Variants in PCDHGA12 observed in about 807,000 individuals in gnomAD.
PCDHGA12 encodes protocadherin gamma subfamily A, 12.
In PCDHGA12, 43 loss-of-function variants were observed where a neutral mutation model predicts 61.1. That is an observed-to-expected ratio of 0.70 (90% CI 0.55 to 0.91). PCDHGA12 has a LOEUF of 0.91. Among genes scored for constraint, PCDHGA12 ranks in the 40% least tolerant of loss-of-function variants. The probability of loss-of-function intolerance (pLI) is 0.00; values close to 1 mark genes in which losing one functional copy is unlikely to be tolerated. For missense variants in PCDHGA12, 1,236 were observed against 1,227.7 expected (o/e 1.01, Z -0.10); for synonymous variants, 520 against 542.9 (o/e 0.96, Z 0.59).
Position 141,490,693 on chromosome 5 carries a change from G to A in PCDHGA12, c.2425-4114G>A. On this transcript the variant is annotated intron_variant, in intron 1 of 3. Coordinates refer to ENST00000252085, the MANE Select transcript of PCDHGA12 (RefSeq NM_003735.3). This position sits in a 1 kb window ranked among gnomAD's most constrained non-coding sequence, Gnocchi z 5.4. ...GGCTGCCTCAGATCCAGACACTGGGGATAATGCCCGCCTCACCTACTCCAT... is the reference window on the plus strand; with the variant it reads ...GGCTGCCTCAGATCCAGACACTGGGAATAATGCCCGCCTCACCTACTCCAT... 1.9e-6 allele frequency: 3 copies of A among 1,614,170 alleles called. No homozygotes were observed. Among genetic ancestry groups the A allele is most frequent in the Non-Finnish European group, 2.5e-6 (3 of 1,180,018 alleles).
chr5:141,501,141 A>G (rs940603527), intron 2 of PCDHGA12, among the ~76,000 whole-genome samples: 8 of 152,184 alleles, frequency 5.3e-5, no homozygotes, highest in Admixed American at 5.2e-4. Context: ...TGCTGGGATT[A>G]CAGGTGGGAG....
Position 141,486,316 on chromosome 5 carries a change from A to G in PCDHGA12, c.2425-8491A>G, listed in dbSNP as rs1251956899. The G allele has an allele frequency of 6.2e-7, 1 of 1,614,066 alleles. No individual in the cohort carries two copies. On this transcript the variant is annotated intron_variant, in intron 1 of 3. Transcript: ENST00000252085. This position sits in a 1 kb window ranked among gnomAD's most constrained non-coding sequence, Gnocchi z 5.0. ...GTGTGCAGGATCCAGACTCAGGGTC[A>G]AACGGAGATGTGAGCCTCCGCATTC...
In PCDHGA12 at chr5:141,476,875, C is replaced by T; in HGVS notation, c.2425-17932C>T. On this transcript the variant is annotated intron_variant, in intron 1 of 3. Coordinates refer to ENST00000252085, the MANE Select transcript of PCDHGA12 (RefSeq NM_003735.3). The surrounding 1 kb of genome is among the most constrained non-coding windows in gnomAD (Gnocchi z 7.6). ...ACCAGTCCTTGTACCGGGCGCGCGT[C>T]CTGGAGGATGCACCCTCCGGCACGC... 2 of 1,613,928 alleles carry T rather than the reference C, an allele frequency of 1.2e-6. No homozygotes were observed. Among genetic ancestry groups the T allele is most frequent in the Non-Finnish European group, 1.7e-6 (2 of 1,180,044 alleles).
intron 1 of PCDHGA12, among the ~76,000 whole-genome samples, chr5:141,448,516 A>T (rs1210489939): frequency 3.9e-5 from 6 of 152,152 alleles, no homozygotes; most frequent in Non-Finnish European, 8.8e-5. Flanking sequence ...TTATAACTTT[A>T]TTAAGCATCC....
chr5:141,461,072 A>C (rs555905734), intron 1 of PCDHGA12, among the ~76,000 whole-genome samples: 1 of 151,688 alleles, frequency 6.6e-6, no homozygotes, highest in African/African-American at 2.4e-5. Context: ...ACATTTTTGC[A>C]ATTGTGAATT....
intron 1 of PCDHGA12, among the ~76,000 whole-genome samples, chr5:141,433,989 T>C (rs898601470): frequency 6.6e-6 from 1 of 152,248 alleles, no homozygotes; most frequent in Non-Finnish European, 1.5e-5. Context: ...AGAAGAGTTT[T>C]ATATTCTCTA....
chr5:141,472,486 G>A (rs1300618918), intron 1 of PCDHGA12, among the ~76,000 whole-genome samples: 1 of 152,050 alleles, frequency 6.6e-6, no homozygotes, highest in Non-Finnish European at 1.5e-5. Flanking sequence ...CTTGCAGTGA[G>A]ACGAGATCGT....
Position 141,477,202 on chromosome 5 carries a change from C to G in PCDHGA12, c.2425-17605C>G. 1 of 1,614,182 alleles carries G rather than the reference C, an allele frequency of 6.2e-7. No homozygotes were observed. The highest frequency in any genetic ancestry group is 1.1e-5 in the South Asian group (1 of 91,074). On this transcript the variant is annotated intron_variant, in intron 1 of 3. Transcript: ENST00000252085. This position sits in a 1 kb window ranked among gnomAD's most constrained non-coding sequence, Gnocchi z 4.9. ...TCACCTCCGTGTACAGCCCAGTACC[C>G]GAGGATGCCCCTCTGGGGACTGTCA...
intron 2 of PCDHGA12, among the ~76,000 whole-genome samples, chr5:141,501,966 C>A (rs1046026111): frequency 1.3e-5 from 2 of 152,118 alleles, no homozygotes; most frequent in African/African-American, 4.8e-5. Context: ...ATCCTCCTAA[C>A]CTCTGGCATC....
rs374655655 is a variant in PCDHGA12, at chr5:141,431,023, C to A, written c.264C>A (p.Gly88=). 1 of 1,613,748 alleles carries A rather than the reference C, an allele frequency of 6.2e-7. No homozygotes were observed. The highest frequency in any genetic ancestry group is 2.2e-5 in the East Asian group (1 of 44,862). Residue 88 remains glycine (G), a synonymous_variant, in exon 1 of 4, where the codon GGC becomes GGA. Coordinates refer to ENST00000252085, the MANE Select transcript of PCDHGA12 (RefSeq NM_003735.3). The surrounding 1 kb of genome is among the most constrained non-coding windows in gnomAD (Gnocchi z 4.8). ...NPRSGSLVTA[G]RIDREELCMG... is the part of the protein sequence containing the mutation. ...GCAGCGGCAGCTTGGTCACGGCGGG[C>A]AGGATAGACCGGGAGGAGCTCTGTA...
chr5:141,511,115 A>G lies in PCDHGA12; in HGVS notation c.2741A>G (p.Lys914Arg). 6.2e-7 allele frequency: 1 copy of G among 1,614,214 alleles called. No individual in the cohort carries two copies. Among genetic ancestry groups the G allele is most frequent in the Non-Finnish European group, 8.5e-7 (1 of 1,180,006 alleles). ...AACGCAGCTGGCAAGCGGGATGGCA[A>G]GGCCCCAGCAGGTGGCAATGGCAAC... Reference protein sequence around the residue: ...LTNAAGKRDGKAPAGGNGNKK... With the variant: ...LTNAAGKRDGRAPAGGNGNKK... Residue 914 changes from lysine (K) to arginine (R), a missense_variant, in exon 4 of 4, where the codon AAG becomes AGG. Coordinates refer to ENST00000252085, the MANE Select transcript of PCDHGA12 (RefSeq NM_003735.3).
rs202162316 is a variant in PCDHGA12, at chr5:141,490,194, T to C, written c.2425-4613T>C. ...TTGAGGAGTCACGTTTCTATGAAAT[T>C]CATGCAAGAGCCCGTGACCAGGGAC... is the stretch of plus-strand genomic sequence containing the variant. On this transcript the variant is annotated intron_variant, in intron 1 of 3. Transcript: ENST00000252085. The surrounding 1 kb of genome is among the most constrained non-coding windows in gnomAD (Gnocchi z 5.4). The C allele has an allele frequency of 8.1e-6, 13 of 1,614,186 alleles. No individual in the cohort carries two copies. The highest frequency in any genetic ancestry group is 1.1e-5 in the Non-Finnish European group (13 of 1,180,030).
chr5:141,474,563 A>G lies in PCDHGA12; in HGVS notation c.2425-20244A>G, dbSNP rs143794984. 1.4e-3 allele frequency among the ~76,000 whole-genome samples: 210 copies of G among 152,332 alleles called. 2 individuals are homozygous for G. The highest frequency in any genetic ancestry group is 5.0e-3 in the African/African-American group (207 of 41,572). ...TGAGCATTTAAAACTGGGGGTTTTC[A>G]GAGATTAATTGAAGTGTTAAAGACA... On this transcript the variant is annotated intron_variant, in intron 1 of 3. Coordinates refer to ENST00000252085, the MANE Select transcript of PCDHGA12 (RefSeq NM_003735.3).
In PCDHGA12 at chr5:141,491,244, T is replaced by G. The variant is rs754328211; in HGVS notation, c.2425-3563T>G. The G allele has an allele frequency of 6.2e-6, 10 of 1,614,092 alleles. No homozygotes were observed. The South Asian group carries it at 1.1e-4, about 18-fold the overall frequency. ...CCACAGTGCTGCTGGTTCTGGAGGA[T>G]GAGGACCCTGAGGAAATGCCCAAAT... On this transcript the variant is annotated intron_variant, in intron 1 of 3. Transcript: ENST00000252085. This position sits in a 1 kb window ranked among gnomAD's most constrained non-coding sequence, Gnocchi z 6.9.
In PCDHGA12 at chr5:141,485,697, A is replaced by G. The variant is rs76923861; in HGVS notation, c.2425-9110A>G. 48,100 of 1,614,036 alleles carry G rather than the reference A, an allele frequency of 0.03. 1,433 individuals carry two copies. Among genetic ancestry groups the G allele is most frequent in the African/African-American group, 0.15 (11,542 of 75,006 alleles). The stretch of plus-strand genomic sequence containing the variant: ...ATTAGCAGCTATAGGCTGAGCTCCA[A>G]TGAACACTTTGCACTGGATGTGAAG... On this transcript the variant is annotated intron_variant, in intron 1 of 3. Transcript: ENST00000252085. The surrounding 1 kb of genome is among the most constrained non-coding windows in gnomAD (Gnocchi z 5.7).
At chr5:141,472,453 T>C (rs2099281194) in intron 1 of PCDHGA12, among the ~76,000 whole-genome samples, 1 of 151,726 alleles carries the variant, frequency 6.6e-6, no homozygotes, top group African/African-American at 2.4e-5. Flanking sequence ...GGCAGGAGAA[T>C]CGCTTGAACC....
chr5:141,507,023 C>T (rs971356315), intron 3 of PCDHGA12: 16 of 152,348 alleles, frequency 1.1e-4, no homozygotes, highest in African/African-American at 2.4e-4. Flanking sequence ...AAGGCACTTG[C>T]CCCAGGGTCC....
At position 141,476,124 on chromosome 5, in the gene PCDHGA12, C is replaced by T. The variant is rs1187643558; in HGVS notation, c.2425-18683C>T. 4 of 1,603,236 alleles carry T rather than the reference C, an allele frequency of 2.5e-6. No homozygotes were observed. Among genetic ancestry groups the T allele is most frequent in the Non-Finnish European group, 3.4e-6 (4 of 1,176,388 alleles). ...GAACTGCTTTTGAGTGAGATGGTCCCAGAGGCCTGGAGGAGCGGACTGGTA... is the reference window on the plus strand; with the variant it reads ...GAACTGCTTTTGAGTGAGATGGTCCTAGAGGCCTGGAGGAGCGGACTGGTA... On this transcript the variant is annotated intron_variant, in intron 1 of 3. Transcript: ENST00000252085. This position sits in a 1 kb window ranked among gnomAD's most constrained non-coding sequence, Gnocchi z 7.6.
At position 141,489,748 on chromosome 5, in the gene PCDHGA12, T is replaced by C. The variant is rs763688648; in HGVS notation, c.2425-5059T>C. On this transcript the variant is annotated intron_variant, in intron 1 of 3. Transcript: ENST00000252085. The surrounding 1 kb of genome is among the most constrained non-coding windows in gnomAD (Gnocchi z 4.5). ...TGTGGGCACCAATACTGTGAGCTTT[T>C]ACACTCTAAGCCCCAACAGCCACTT... is the stretch of plus-strand genomic sequence containing the variant. The C allele has an allele frequency of 1.8e-5, 29 of 1,614,038 alleles. No homozygotes were observed. Among genetic ancestry groups the C allele is most frequent in the Non-Finnish European group, 1.6e-5 (19 of 1,180,010 alleles).
Sources: allele counts gnomAD v4.1 joint callset (sites outside exome capture counted in the v4.1 genomes callset), GRCh38; gene constraint gnomAD v4.1.1; non-coding constraint Gnocchi (gnomAD v3.1); transcripts MANE v1.5; gene names NCBI Gene and HGNC (gene_info 2026-07-23, HGNC 2026-07-21).